The following QTMAN variants were observed in gnomAD, a reference collection of about 807,000 sequenced individuals.
QTMAN encodes queuosine-tRNA mannosyltransferase.
the QTMAN span, among the ~76,000 whole-genome samples, chr2:144,025,454 C>T: frequency 6.6e-6 from 1 of 152,182 alleles, no homozygotes; most frequent in Non-Finnish European, 1.5e-5. Context: ...GAAGTAGTGT[C>T]TATTTTTACC....
chr2:143,968,668 T>A, the QTMAN span, among the ~76,000 whole-genome samples: 1 of 152,138 alleles, frequency 6.6e-6, no homozygotes, highest in African/African-American at 2.4e-5. Context: ...CAGCATCGTT[T>A]CTCAATCCAT....
the QTMAN span, among the ~76,000 whole-genome samples, chr2:144,324,032 T>C: frequency 1.3e-5 from 2 of 152,230 alleles, no homozygotes; most frequent in South Asian, 4.1e-4. Context: ...TATTGTTCTT[T>C]ACATCTCTAT....
the QTMAN span, among the ~76,000 whole-genome samples, chr2:144,082,844 C>T: frequency 6.6e-6 from 1 of 152,046 alleles, no homozygotes; most frequent in Non-Finnish European, 1.5e-5. Context: ...CTATGACATT[C>T]ATCAAGCTTG....
chr2:144,147,941 G>A, the QTMAN span, among the ~76,000 whole-genome samples: 1 of 151,640 alleles, frequency 6.6e-6, no homozygotes. Context: ...ATAATTTGCT[G>A]GATCTCCAAA....
At chr2:144,317,435 G>A in the QTMAN span, 2 of 66,052 alleles carry the variant, frequency 3.0e-5, no homozygotes, top group Admixed American at 3.0e-4. Context: ...GGAAGGAAGG[G>A]ACAATAAAAT....
At chr2:143,952,156 T>C in the QTMAN span, 7 of 805,756 alleles carry the variant, frequency 8.7e-6, no homozygotes, top group Middle Eastern at 4.9e-4. Flanking sequence ...TAATTAAAAA[T>C]GCATATTGCT....
At chr2:143,991,088 AT>A in the QTMAN span, among the ~76,000 whole-genome samples, 1 of 152,122 alleles carries the variant, frequency 6.6e-6, no homozygotes, top group African/African-American at 2.4e-5. Context: ...ATAAAAAGAC[AT>A]GAAAAATATG....
chr2:144,133,704 T>C, the QTMAN span, among the ~76,000 whole-genome samples: 1 of 149,014 alleles, frequency 6.7e-6, no homozygotes, highest in Non-Finnish European at 1.5e-5. Context: ...AGGAGATTTC[T>C]TGACAGTGAG....
At chr2:144,308,358 G>T in the QTMAN span, among the ~76,000 whole-genome samples, 8 of 151,826 alleles carry the variant, frequency 5.3e-5, no homozygotes, top group African/African-American at 1.7e-4. Context: ...AGTACAGACG[G>T]GGTTTCACTA....
the QTMAN span, among the ~76,000 whole-genome samples, chr2:144,196,299 T>A: frequency 6.6e-6 from 1 of 151,700 alleles, no homozygotes; most frequent in Non-Finnish European, 1.5e-5. Context: ...ATGAAAATAT[T>A]TCTCATTGTA....
chr2:144,301,643 C>T, the QTMAN span, among the ~76,000 whole-genome samples: 1 of 152,198 alleles, frequency 6.6e-6, no homozygotes, highest in Non-Finnish European at 1.5e-5. Flanking sequence ...AATCATCCAT[C>T]TTATTAAACA....
the QTMAN span, among the ~76,000 whole-genome samples, chr2:144,049,282 T>C: frequency 1.3e-5 from 2 of 152,168 alleles, no homozygotes; most frequent in Admixed American, 6.5e-5. Context: ...TTTAGTCTCA[T>C]AGAAATATCT....
chr2:144,329,234 T>C, the QTMAN span, among the ~76,000 whole-genome samples: 1 of 151,072 alleles, frequency 6.6e-6, no homozygotes, highest in African/African-American at 2.4e-5. Flanking sequence ...AGAGTGTGAC[T>C]CTGCCTCAAA....
the QTMAN span, among the ~76,000 whole-genome samples, chr2:144,084,663 C>G: frequency 1.5e-4 from 23 of 152,088 alleles, no homozygotes; most frequent in Admixed American, 1.5e-3. Flanking sequence ...TATGTCTCCC[C>G]CAAGTAAATG....
At chr2:144,191,184 T>C in the QTMAN span, among the ~76,000 whole-genome samples, 1 of 152,320 alleles carries the variant, frequency 6.6e-6, no homozygotes, top group East Asian at 1.9e-4. Flanking sequence ...TTCTACCTAA[T>C]GTGCTTTAAA....
At chr2:144,235,028 A>G in the QTMAN span, among the ~76,000 whole-genome samples, 1 of 152,162 alleles carries the variant, frequency 6.6e-6, no homozygotes, top group Admixed American at 6.6e-5. Flanking sequence ...TAAAGAATGC[A>G]TTATTTTGCT....
chr2:144,158,755 T>G, the QTMAN span, among the ~76,000 whole-genome samples: 3 of 152,150 alleles, frequency 2.0e-5, no homozygotes, highest in African/African-American at 7.2e-5. Context: ...AAATCCAAAA[T>G]TATGGTTCCC....
the QTMAN span, among the ~76,000 whole-genome samples, chr2:144,119,547 C>A: frequency 1.3e-5 from 2 of 152,190 alleles, no homozygotes; most frequent in Non-Finnish European, 2.9e-5. Context: ...ACCAGGGAAG[C>A]AAAACCAGAA....
At chr2:144,032,980 AAG>A in the QTMAN span, among the ~76,000 whole-genome samples, 3 of 152,356 alleles carry the variant, frequency 2.0e-5, no homozygotes, top group African/African-American at 4.8e-5. Flanking sequence ...TTTCAAAAAC[AAG>A]AGACAGAAGG....
Sources: gnomAD v4.1 joint callset for allele counts (sites outside exome capture counted in the v4.1 genomes callset) on GRCh38, gnomAD v4.1.1 for gene constraint, MANE v1.5 for transcripts, NCBI Gene and HGNC (gene_info 2026-07-23, HGNC 2026-07-21) for gene names.